Variants in CTNND2 observed in about 807,000 individuals in gnomAD.
CTNND2 encodes the protein catenin delta 2, also known as catenin delta-2.
CTNND2 carries 22 observed loss-of-function variants against 144.4 expected under a neutral mutation model. That is an observed-to-expected ratio of 0.15 (90% CI 0.11 to 0.22). The LOEUF (loss-of-function observed/expected upper bound fraction) is 0.22. Ranked by LOEUF, CTNND2 falls within the 10% of genes least tolerant of loss-of-function variation. The pLI, the probability that CTNND2 is intolerant of heterozygous loss-of-function variation, is 1.00. For synonymous variants in CTNND2, 751 were observed against 695.6 expected (o/e 1.08, Z -1.25); for missense variants, 1,353 against 1,618.8 (o/e 0.84, Z 2.82).
At chr5:11,096,526 G>A (rs992215616) in intron 15 of CTNND2, among the ~76,000 whole-genome samples, 2 of 152,022 alleles carry the variant, frequency 1.3e-5, no homozygotes, top group Non-Finnish European at 2.9e-5. Flanking sequence ...AGTATTCCAT[G>A]GTGTAAATGA....
intron 3 of CTNND2, among the ~76,000 whole-genome samples, chr5:11,563,325 G>T (rs1252704841): frequency 6.6e-6 from 1 of 152,160 alleles, no homozygotes; most frequent in African/African-American, 2.4e-5. Context: ...TCAAGTCAAT[G>T]GTGCATATGG....
chr5:11,708,489 T>C (rs929917226), intron 2 of CTNND2, among the ~76,000 whole-genome samples: 2 of 152,160 alleles, frequency 1.3e-5, no homozygotes, highest in Admixed American at 6.5e-5. Flanking sequence ...ATAATAACAC[T>C]AGTAATAAGT....
intron 1 of CTNND2, among the ~76,000 whole-genome samples, chr5:11,738,694 A>C (rs1787834910): frequency 1.3e-5 from 2 of 152,170 alleles, no homozygotes; most frequent in Admixed American, 6.5e-5. Flanking sequence ...CAACAAAATA[A>C]CTGATGATGT....
At chr5:11,658,674 C>A (rs573638421) in intron 2 of CTNND2, among the ~76,000 whole-genome samples, 8 of 152,262 alleles carry the variant, frequency 5.3e-5, no homozygotes, top group African/African-American at 1.7e-4. Flanking sequence ...CCTGGCTTCA[C>A]GCACTCAGCT....
intron 11 of CTNND2, among the ~76,000 whole-genome samples, chr5:11,180,958 T>C (rs886955936): frequency 2.6e-5 from 4 of 152,092 alleles, no homozygotes; most frequent in Admixed American, 6.5e-5. Context: ...AGTCTACTAG[T>C]ATGTGGGCCC....
intron 17 of CTNND2, among the ~76,000 whole-genome samples, chr5:11,022,554 A>G (rs1742367436): frequency 6.6e-6 from 1 of 152,198 alleles, no homozygotes; most frequent in Non-Finnish European, 1.5e-5. Context: ...TGTCGCTGCC[A>G]TGTGGAAGGA....
At chr5:11,514,619 AC>A (rs1771995360) in intron 3 of CTNND2, among the ~76,000 whole-genome samples, 2 of 152,214 alleles carry the variant, frequency 1.3e-5, no homozygotes, top group Non-Finnish European at 2.9e-5. Context: ...TCATAGTGTG[AC>A]CTCAAAAAGC....
At chr5:11,836,340 G>A (rs1275254133) in intron 1 of CTNND2, among the ~76,000 whole-genome samples, 2 of 152,154 alleles carry the variant, frequency 1.3e-5, no homozygotes, top group Non-Finnish European at 2.9e-5. Flanking sequence ...GCTTATCTGA[G>A]AAAACTTGAG....
At chr5:11,361,289 G>T (rs1251637070) in intron 8 of CTNND2, among the ~76,000 whole-genome samples, 3 of 152,148 alleles carry the variant, frequency 2.0e-5, no homozygotes, top group African/African-American at 7.2e-5. Flanking sequence ...CCAAAGTGCT[G>T]GGATTACAGA....
At chr5:11,003,607 G>C (rs2149515688) in intron 18 of CTNND2, among the ~76,000 whole-genome samples, 1 of 152,168 alleles carries the variant, frequency 6.6e-6, no homozygotes, top group East Asian at 1.9e-4. Context: ...TGTGACTAAA[G>C]ACCAAGCCAG....
intron 18 of CTNND2, among the ~76,000 whole-genome samples, chr5:11,003,759 T>G (rs56375213): frequency 0.078 from 11,819 of 152,256 alleles, 1,551 homozygotes; most frequent in African/African-American, 0.27. Context: ...GTTAAATATT[T>G]AAACTAAATT....
At chr5:11,779,580 A>C (rs1251743537) in intron 1 of CTNND2, among the ~76,000 whole-genome samples, 2 of 152,180 alleles carry the variant, frequency 1.3e-5, no homozygotes, top group African/African-American at 4.8e-5. Context: ...GGGTTGGTAG[A>C]GCTGGCAAGT....
At chr5:11,200,389 G>T (rs1473694796) in intron 10 of CTNND2, among the ~76,000 whole-genome samples, 1 of 151,984 alleles carries the variant, frequency 6.6e-6, no homozygotes, top group Admixed American at 6.6e-5. Flanking sequence ...CCTTTGATTT[G>T]GGGAACAATT....
At chr5:11,616,185 C>G (rs1192164890) in intron 2 of CTNND2, among the ~76,000 whole-genome samples, 1 of 152,134 alleles carries the variant, frequency 6.6e-6, no homozygotes, top group Non-Finnish European at 1.5e-5. Flanking sequence ...AATTTAATCT[C>G]CTTCTCTCCT....
At chr5:11,530,416 T>A (rs7717698) in intron 3 of CTNND2, among the ~76,000 whole-genome samples, 28,144 of 151,990 alleles carry the variant, frequency 0.19, 2,906 homozygotes, top group Admixed American at 0.28. Context: ...GGCCTGTGTG[T>A]GTGATTTGGG....
chr5:11,644,096 G>A (rs538180399), intron 2 of CTNND2, among the ~76,000 whole-genome samples: 6 of 152,048 alleles, frequency 3.9e-5, no homozygotes, highest in Non-Finnish European at 5.9e-5. Flanking sequence ...TTAGTCTAGC[G>A]GCCGACTTTA....
chr5:11,721,692 G>A (rs978012084), intron 2 of CTNND2, among the ~76,000 whole-genome samples: 4 of 152,236 alleles, frequency 2.6e-5, no homozygotes, highest in African/African-American at 9.6e-5. Context: ...TTCAGATGGT[G>A]CTGCATGCCT....
chr5:11,131,284 A>C (rs1755566978), intron 12 of CTNND2, among the ~76,000 whole-genome samples: 1 of 152,166 alleles, frequency 6.6e-6, no homozygotes, highest in Non-Finnish European at 1.5e-5. Flanking sequence ...AGGAAAATAA[A>C]TACCATGTGA....
chr5:11,168,649 C>T (rs1580474453), intron 11 of CTNND2, among the ~76,000 whole-genome samples: 1 of 152,144 alleles, frequency 6.6e-6, no homozygotes, highest in East Asian at 1.9e-4. Context: ...AAAGTTATGA[C>T]AGTTAAAGAC....
Sources: gnomAD v4.1 joint callset for allele counts (sites outside exome capture counted in the v4.1 genomes callset) on GRCh38, gnomAD v4.1.1 for gene constraint, MANE v1.5 for transcripts, NCBI Gene and HGNC (gene_info 2026-07-23, HGNC 2026-07-21) for gene names.